LGR5: variants seen among roughly 807,000 people sequenced by gnomAD.
LGR5 encodes leucine-rich repeat-containing G protein-coupled receptor 5.
Under a neutral mutation model 76.7 loss-of-function variants are expected in LGR5, and 54 were observed. That is an observed-to-expected ratio of 0.70 (90% CI 0.57 to 0.88). The LOEUF (loss-of-function observed/expected upper bound fraction) is 0.88, where lower values mean the gene tolerates loss of function less well. LGR5 is among the 40% of genes least tolerant of loss of function. The pLI is 0.00. For missense variants in LGR5, 1,078 were observed against 1,073.3 expected (o/e 1.00, Z -0.06); for synonymous variants, 406 against 421.9 (o/e 0.96, Z 0.46).
intron 4 of LGR5, among the ~76,000 whole-genome samples, chr12:71,549,405 T>A (rs1415524467): frequency 2.6e-5 from 4 of 152,180 alleles, no homozygotes. Context: ...TTAATAATAA[T>A]ATATTGTATA....
At chr12:71,560,830 T>C (rs547240429) in intron 7 of LGR5, among the ~76,000 whole-genome samples, 28 of 152,146 alleles carry the variant, frequency 1.8e-4, no homozygotes, top group Non-Finnish European at 3.5e-4. Context: ...GCAGTTTAAA[T>C]CCATTTTGTG....
At chr12:71,523,186 T>C (rs1875809596) in intron 2 of LGR5, among the ~76,000 whole-genome samples, 2 of 152,320 alleles carry the variant, frequency 1.3e-5, no homozygotes, top group African/African-American at 4.8e-5. Flanking sequence ...TTTAAAGTTA[T>C]ATAAGAAATG....
chr12:71,444,051 G>A (rs937913648), intron 1 of LGR5, among the ~76,000 whole-genome samples: 1 of 151,982 alleles, frequency 6.6e-6, no homozygotes, highest in Non-Finnish European at 1.5e-5. Flanking sequence ...ATCAGGCACC[G>A]CCTTAATATC....
intron 1 of LGR5, among the ~76,000 whole-genome samples, chr12:71,487,785 C>T (rs1401599202): frequency 6.6e-6 from 1 of 152,206 alleles, no homozygotes; most frequent in Non-Finnish European, 1.5e-5. Context: ...GTCCAGTCTT[C>T]ATAATCTGTG....
intron 2 of LGR5, among the ~76,000 whole-genome samples, chr12:71,506,574 T>C (rs57908426): frequency 0.023 from 3,432 of 152,264 alleles, 132 homozygotes; most frequent in African/African-American, 0.078. Context: ...GTCTTATTTT[T>C]ATCTCTCTGG....
intron 4 of LGR5, among the ~76,000 whole-genome samples, chr12:71,538,556 T>G (rs1876718389): frequency 1.3e-5 from 2 of 152,114 alleles, no homozygotes; most frequent in Non-Finnish European, 2.9e-5. Context: ...AAGTATTTCC[T>G]AAGTGAAAAT....
At chr12:71,519,062 T>G (rs984431927) in intron 2 of LGR5, among the ~76,000 whole-genome samples, 5 of 152,188 alleles carry the variant, frequency 3.3e-5, no homozygotes, top group Non-Finnish European at 7.4e-5. Context: ...CTCTCTGATC[T>G]GAAGTCCTTC....
chr12:71,449,282 G>A (rs1872153656), intron 1 of LGR5, among the ~76,000 whole-genome samples: 1 of 152,146 alleles, frequency 6.6e-6, no homozygotes, highest in Admixed American at 6.5e-5. Flanking sequence ...TGGGGTCTCT[G>A]ATTTTAATTT....
chr12:71,554,792 A>G (rs1877675509), intron 5 of LGR5, among the ~76,000 whole-genome samples: 1 of 152,154 alleles, frequency 6.6e-6, no homozygotes, highest in Non-Finnish European at 1.5e-5. Flanking sequence ...TTCCCACCAT[A>G]TGTCTAGATT....
intron 11 of LGR5, among the ~76,000 whole-genome samples, chr12:71,568,022 G>A (rs1878434789): frequency 2.0e-5 from 3 of 152,048 alleles, no homozygotes; most frequent in Admixed American, 2.0e-4. Context: ...AATTTGGGGG[G>A]CCATGTTAGA....
In LGR5 at chr12:71,440,331, G is replaced by C. The variant is rs373453153; in HGVS notation, c.212+39G>C. ...CACGTCACTCCGGGAGAGAGACTAA[G>C]AGGGGAAGGAAGGTTCGTCCAAGGC... On this transcript the variant is annotated intron_variant, in intron 1 of 17. Coordinates refer to ENST00000266674, the MANE Select transcript of LGR5 (RefSeq NM_003667.4). This position sits in a 1 kb window ranked among gnomAD's most constrained non-coding sequence, Gnocchi z 5.3. 20 of 1,584,138 alleles carry C rather than the reference G, an allele frequency of 1.3e-5. No homozygotes were observed. Among genetic ancestry groups the C allele is most frequent in the African/African-American group, 2.7e-5 (2 of 74,526 alleles).
intron 8 of LGR5, among the ~76,000 whole-genome samples, chr12:71,563,651 C>T (rs1219452485): frequency 3.3e-5 from 5 of 152,152 alleles, no homozygotes; most frequent in African/African-American, 1.2e-4. Context: ...TTCTTACTTC[C>T]TTTGCTCCTA....
chr12:71,538,452 G>A (rs1249730473), intron 4 of LGR5, among the ~76,000 whole-genome samples: 5 of 152,136 alleles, frequency 3.3e-5, no homozygotes, highest in South Asian at 4.1e-4. Context: ...AGAAGAATTC[G>A]AGGGTACAGT....
chr12:71,476,450 A>C (rs1873340270), intron 1 of LGR5, among the ~76,000 whole-genome samples: 1 of 152,168 alleles, frequency 6.6e-6, no homozygotes, highest in African/African-American at 2.4e-5. Flanking sequence ...ATCTAAAAGG[A>C]ACTGTGCCTA....
chr12:71,500,304 C>CT (rs11413468), intron 1 of LGR5, among the ~76,000 whole-genome samples: 1,560 of 152,238 alleles, frequency 0.01, 21 homozygotes, highest in African/African-American at 0.035. Flanking sequence ...GGTCAGATAA[C>CT]TGGCCTAGAA....
At chr12:71,574,997 T>A (rs1448704910) in intron 13 of LGR5, among the ~76,000 whole-genome samples, 1 of 152,208 alleles carries the variant, frequency 6.6e-6, no homozygotes, top group Non-Finnish European at 1.5e-5. Flanking sequence ...AGTGGCTTTT[T>A]TATTATTTGC....
At chr12:71,460,767 T>C (rs1872656770) in intron 1 of LGR5, among the ~76,000 whole-genome samples, 1 of 152,168 alleles carries the variant, frequency 6.6e-6, no homozygotes, top group South Asian at 2.1e-4. Context: ...CCTCCTCTCC[T>C]ACATAGTGAC....
chr12:71,583,615 AT>A (rs1296478469), intron 17 of LGR5, 31 bp from the exon 18 acceptor site: 2 of 1,571,818 alleles, frequency 1.3e-6, no homozygotes, highest in Admixed American at 3.7e-5. Flanking sequence ...CCCTAATTTG[AT>A]ACTCAATCTT....
chr12:71,558,476 A>C (rs1361937908), intron 6 of LGR5, among the ~76,000 whole-genome samples: 1 of 152,194 alleles, frequency 6.6e-6, no homozygotes, highest in Non-Finnish European at 1.5e-5. Flanking sequence ...TTTCCCTACT[A>C]GAAATCCAAG....
Sources: allele counts gnomAD v4.1 joint callset (sites outside exome capture counted in the v4.1 genomes callset), GRCh38; gene constraint gnomAD v4.1.1; non-coding constraint Gnocchi (gnomAD v3.1); transcripts MANE v1.5; gene names NCBI Gene and HGNC (gene_info 2026-07-23, HGNC 2026-07-21).